The following B4GALNT2 variants were observed in gnomAD, a reference collection of about 807,000 sequenced individuals.
B4GALNT2 encodes beta-1,4-N-acetyl-galactosaminyltransferase 2 (SID blood group).
Under a neutral mutation model 51.1 loss-of-function variants are expected in B4GALNT2, and 42 were observed. That is an observed-to-expected ratio of 0.82 (90% CI 0.64 to 1.06). B4GALNT2 has a LOEUF of 1.06. Among genes scored for constraint, B4GALNT2 ranks in the 50% least tolerant of loss-of-function variants. The probability of loss-of-function intolerance (pLI) is 0.00; values close to 1 mark genes in which losing one functional copy is unlikely to be tolerated. For synonymous variants in B4GALNT2, 253 were observed against 251.7 expected, an observed-to-expected ratio of 1.01 and a Z score of -0.05; for missense variants, 602 against 633.6, an observed-to-expected ratio of 0.95 and a Z score of 0.54.
At chr17:49,122,712 A>G in the B4GALNT2 span, among the ~76,000 whole-genome samples, 1 of 152,224 alleles carries the variant, frequency 6.6e-6, no homozygotes, top group Non-Finnish European at 1.5e-5. Context: ...AATGAGATGC[A>G]GAGGCACATG....
At position 49,148,125 on chromosome 17, in the gene B4GALNT2, C is replaced by A. The variant is rs182942691; in HGVS notation, c.354-4675C>A. 1.7e-3 allele frequency among the ~76,000 whole-genome samples: 257 copies of A among 151,846 alleles called. 5 individuals are homozygous for A. The East Asian group carries it at 0.04, about 24-fold the overall frequency. On this transcript the variant is annotated intron_variant, in intron 3 of 10. Transcript: ENST00000393354. ...GCCCAGCCTGGCCAACATGGTGAAA[C>A]CCTGTCTCTACTAAAAATACAAAAA...
chr17:49,170,124 C>T lies in B4GALNT2; in HGVS notation c.*396C>T, dbSNP rs142080376. On this transcript the variant is annotated 3_prime_UTR_variant, in exon 11 of 11. Coordinates refer to ENST00000393354, the MANE Select transcript of B4GALNT2 (RefSeq NM_001159387.2). ...CTGTCACAGTCAGAAGCATCGGATC[C>T]AGCATCACTGTCATCCCTATATTTT... 2.8e-3 allele frequency: 471 copies of T among 168,958 alleles called. No homozygotes were observed. The highest frequency in any genetic ancestry group is 6.9e-3 in the Admixed American group (115 of 16,724). 10.5% of individuals were successfully genotyped at this position (168,958 alleles called of 1,614,324 possible).
intron 1 of B4GALNT2, among the ~76,000 whole-genome samples, chr17:49,135,835 G>A (rs886566249): frequency 1.3e-5 from 2 of 151,426 alleles, no homozygotes; most frequent in South Asian, 4.2e-4. Context: ...AGGCCGAGGC[G>A]GGCGGATCAC....
At chr17:49,132,615 T>A (rs981921714), upstream of B4GALNT2, 16 of 593,516 alleles carry the variant, frequency 2.7e-5, no homozygotes, top group African/African-American at 2.8e-4. Flanking sequence ...AAGTCCAGGG[T>A]AGAGATGGGG....
Position 49,164,165 on chromosome 17 carries a change from A to G in B4GALNT2, c.844A>G (p.Ser282Gly), listed in dbSNP as rs541343923. ...RPHKLMIMLR[S>G]IREYYPDLTV... ...CCACAAGCTCATGATCATGCTCCGG[A>G]GTATTCGAGAGTATTACCCAGACTT... Residue 282 changes from serine to glycine, a missense_variant, in exon 8 of 11, where the codon AGT becomes GGT. By Grantham distance (56) the Ser-to-Gly change is moderately conservative. Coordinates refer to ENST00000393354, the MANE Select transcript of B4GALNT2 (RefSeq NM_001159387.2). 6.0e-5 allele frequency: 97 copies of G among 1,613,908 alleles called. 2 individuals carry two copies. The East Asian group carries it at 1.9e-3, about 32-fold the overall frequency.
intron 1 of B4GALNT2, among the ~76,000 whole-genome samples, chr17:49,139,156 T>C (rs1427452857): frequency 2.0e-5 from 3 of 152,192 alleles, no homozygotes; most frequent in Non-Finnish European, 4.4e-5. Flanking sequence ...ATTTCCCTTT[T>C]CGTTATTTAT....
Position 49,156,606 on chromosome 17 carries a change from G to A in B4GALNT2, c.498+3G>A. 1 of 1,613,668 alleles carries A rather than the reference G, an allele frequency of 6.2e-7. No individual in the cohort carries two copies. Among genetic ancestry groups the A allele is most frequent in the Non-Finnish European group, 8.5e-7 (1 of 1,179,830 alleles). ...GACCCGATGCCCCCGTCTATGAGGT[G>A]AGTCCTTCTCCCAGCCCCTCTTTGC... On this transcript the variant is annotated splice_donor_region_variant and intron_variant, in intron 5 of 10. Coordinates refer to ENST00000393354, the MANE Select transcript of B4GALNT2 (RefSeq NM_001159387.2).
chr17:49,145,255 T>A (rs2042683201), intron 3 of B4GALNT2, among the ~76,000 whole-genome samples: 1 of 152,196 alleles, frequency 6.6e-6, no homozygotes, highest in Non-Finnish European at 1.5e-5. Flanking sequence ...AATAAGGTTA[T>A]AATTATGCCT....
rs1381429457 is a variant in B4GALNT2, at chr17:49,172,294, G to C, written c.*2566G>C. 2 of 174,816 alleles carry C rather than the reference G, an allele frequency of 1.1e-5. No individual in the cohort carries two copies. The highest frequency in any genetic ancestry group is 2.7e-4 in the East Asian group (2 of 7,278). 10.8% of individuals were successfully genotyped at this position (174,816 alleles called of 1,614,324 possible). Reference sequence around the variant, plus strand: ...TCCTCAGCATCTGGCTCGTGGCAAGGTTTCAGGTGTCTTGATGGCACCCAA... The same window carrying C: ...TCCTCAGCATCTGGCTCGTGGCAAGCTTTCAGGTGTCTTGATGGCACCCAA... On this transcript the variant is annotated 3_prime_UTR_variant, in exon 11 of 11. Coordinates refer to ENST00000393354, the MANE Select transcript of B4GALNT2 (RefSeq NM_001159387.2).
chr17:49,175,573 C>T lies in B4GALNT2; in HGVS notation c.*5845C>T, dbSNP rs1394581715. The T allele has an allele frequency of 6.6e-6, 1 of 152,204 alleles. No individual in the cohort carries two copies. Among genetic ancestry groups the T allele is most frequent in the African/African-American group, 2.4e-5 (1 of 41,442 alleles). The allele number at this position is 152,204 out of a possible 1,614,324, so 9.4% of individuals were successfully genotyped here. A position where few individuals can be genotyped will look rare whatever the true frequency, so the allele number is the denominator to read the frequency against. ...GTGGGGATTCCCCAAGCATAAGGCT[C>T]ACAGCTTTTGTGCAGTATAAATCTA... On this transcript the variant is annotated 3_prime_UTR_variant, in exon 11 of 11. Coordinates refer to ENST00000393354, the MANE Select transcript of B4GALNT2 (RefSeq NM_001159387.2).
In B4GALNT2 at chr17:49,152,867, G is replaced by A. The variant is rs780701501; in HGVS notation, c.421G>A (p.Gly141Arg). The A allele has an allele frequency of 3.1e-6, 5 of 1,611,406 alleles. No homozygotes were observed. The highest frequency in any genetic ancestry group is 2.5e-6 in the Non-Finnish European group (3 of 1,178,708). The stretch of plus-strand genomic sequence containing the variant: ...CCTCCCCTTTGGGTACCCAGTCCAC[G>A]GAGTGGAGGTGATGCCCCTGCACAC... ...PNLPFGYPVH[G>R]VEVMPLHTVP... Residue 141 changes from glycine to arginine, a missense_variant, in exon 4 of 11, where the codon GGA becomes AGA. Gly to Arg is a moderately radical substitution (Grantham distance 125). Coordinates refer to ENST00000393354, the MANE Select transcript of B4GALNT2 (RefSeq NM_001159387.2).
At chr17:49,153,501 G>A (rs1289861473) in intron 4 of B4GALNT2, among the ~76,000 whole-genome samples, 3 of 146,316 alleles carry the variant, frequency 2.1e-5, no homozygotes, top group Non-Finnish European at 4.4e-5. Context: ...CAAGAAGCTT[G>A]ATGTGATTTT....
chr17:49,153,587 A>G (rs2042780136), intron 4 of B4GALNT2, among the ~76,000 whole-genome samples: 1 of 151,270 alleles, frequency 6.6e-6, no homozygotes, highest in South Asian at 2.1e-4. Context: ...GGTCACTGCA[A>G]CCTCCACCTC....
the B4GALNT2 span, among the ~76,000 whole-genome samples, chr17:49,125,687 C>T: frequency 4.4e-5 from 5 of 113,722 alleles, no homozygotes; most frequent in African/African-American, 1.3e-4. Flanking sequence ...GTGGCCGCCC[C>T]GTCTGGGAGG....
the B4GALNT2 span, among the ~76,000 whole-genome samples, chr17:49,121,336 C>T: frequency 1.3e-5 from 2 of 152,174 alleles, no homozygotes; most frequent in Non-Finnish European, 2.9e-5. Context: ...CCTGAGCACT[C>T]CTCTTGGTAG....
At chr17:49,125,771 T>G in the B4GALNT2 span, among the ~76,000 whole-genome samples, 52,616 of 70,354 alleles carry the variant, frequency 0.75, 21,098 homozygotes, top group Middle Eastern at 0.85. Flanking sequence ...CCCCCGCCCG[T>G]CCGGCCGCCC....
intron 1 of B4GALNT2, among the ~76,000 whole-genome samples, chr17:49,134,007 G>T (rs1009081945): frequency 1.3e-5 from 2 of 152,214 alleles, no homozygotes; most frequent in African/African-American, 2.4e-5. Context: ...AAGGAAGGCG[G>T]CTTTGCATCC....
intron 9 of B4GALNT2, among the ~76,000 whole-genome samples, chr17:49,167,260 C>T (rs1240308356): frequency 6.6e-6 from 1 of 152,114 alleles, no homozygotes; most frequent in East Asian, 1.9e-4. Flanking sequence ...ATCCTTTGGT[C>T]CCTGGCTGCA....
chr17:49,120,671 A>G, the B4GALNT2 span, among the ~76,000 whole-genome samples: 1 of 151,734 alleles, frequency 6.6e-6, no homozygotes, highest in Non-Finnish European at 1.5e-5. Context: ...ATGCCTGGCT[A>G]ATTTTTTTTT....
Sources: gnomAD v4.1 joint callset for allele counts (sites outside exome capture counted in the v4.1 genomes callset) on GRCh38, gnomAD v4.1.1 for gene constraint, MANE v1.5 for transcripts, NCBI Gene and HGNC (gene_info 2026-07-23, HGNC 2026-07-21) for gene names.